FUT8: variants seen among roughly 807,000 people sequenced by gnomAD.
FUT8 encodes fucosyltransferase 8, also known as alpha-(1,6)-fucosyltransferase.
A neutral mutation model predicts 71.3 loss-of-function variants in FUT8; 29 were observed. The ratio of observed to expected loss-of-function variants is 0.41; its 90% CI spans 0.30 to 0.55. The LOEUF (loss-of-function observed/expected upper bound fraction) is 0.55, where lower values mean the gene tolerates loss of function less well. Ranked by LOEUF, FUT8 falls within the 20% of genes least tolerant of loss-of-function variation. The probability of loss-of-function intolerance (pLI) is 0.34; values close to 1 mark genes in which losing one functional copy is unlikely to be tolerated. For missense variants in FUT8, 544 were observed against 702.1 expected, an observed-to-expected ratio of 0.77 and a Z score of 2.55; for synonymous variants, 254 against 239.3, an observed-to-expected ratio of 1.06 and a Z score of -0.57.
chr14:65,535,096 T>TTTA (rs1884207987), intron 2 of FUT8, among the ~76,000 whole-genome samples: 1 of 151,130 alleles, frequency 6.6e-6, no homozygotes, highest in Non-Finnish European at 1.5e-5. Context: ...TATTTTTTAT[T>TTTA]TTTTATTTTA....
In FUT8 at chr14:65,561,668, T is replaced by A. The variant is rs1198011883; in HGVS notation, c.105T>A (p.His35Gln). ...GTCACTTGGTACGAGATAATGACCATCCTGATCACTCTAGCCGAGAACTGT... is the reference window on the plus strand; with the variant it reads ...GTCACTTGGTACGAGATAATGACCAACCTGATCACTCTAGCCGAGAACTGT... ...IGGHLVRDND[H>Q]PDHSSRELSK... Residue 35 changes from histidine to glutamine, a missense_variant, in exon 3 of 11, where the codon CAT becomes CAA. By Grantham distance (24) the His-to-Gln change is conservative. Coordinates refer to ENST00000673929, the MANE Select transcript of FUT8 (RefSeq NM_001371533.1). 2 of 1,613,474 alleles carry A rather than the reference T, an allele frequency of 1.2e-6. No individual in the cohort carries two copies. Among genetic ancestry groups the A allele is most frequent in the Admixed American group, 3.3e-5 (2 of 59,958 alleles).
intron 6 of FUT8, chr14:65,646,396 G>A (rs1446753906): frequency 6.6e-6 from 1 of 152,170 alleles, no homozygotes; most frequent in Non-Finnish European, 1.5e-5. Flanking sequence ...CTAATACAAA[G>A]ATATAACAGA....
intron 3 of FUT8, among the ~76,000 whole-genome samples, chr14:65,582,165 C>T (rs1221003316): frequency 6.6e-6 from 1 of 152,012 alleles, no homozygotes; most frequent in Non-Finnish European, 1.5e-5. Context: ...TTCTTCCATC[C>T]AATTAAAATA....
In FUT8 at chr14:65,561,542, G is replaced by A; in HGVS notation, c.-22G>A. ...ATTCTTTGAGCTCCAGGACTCCAGG[G>A]AAGTGAGTTGAAAATCTGAAAATGC... On this transcript the variant is annotated 5_prime_UTR_variant, in exon 3 of 11. Coordinates refer to ENST00000673929, the MANE Select transcript of FUT8 (RefSeq NM_001371533.1). The A allele has an allele frequency of 1.9e-6, 3 of 1,610,784 alleles. No homozygotes were observed. Among genetic ancestry groups the A allele is most frequent in the Non-Finnish European group, 2.5e-6 (3 of 1,177,618 alleles).
At chr14:65,625,165 C>A (rs1889832792) in intron 5 of FUT8, among the ~76,000 whole-genome samples, 1 of 152,032 alleles carries the variant, frequency 6.6e-6, no homozygotes, top group African/African-American at 2.4e-5. Flanking sequence ...AAACAAATGA[C>A]CACATTCTAT....
the FUT8 span, among the ~76,000 whole-genome samples, chr14:65,386,550 G>T: frequency 6.7e-6 from 1 of 149,930 alleles, no homozygotes; most frequent in African/African-American, 2.4e-5. Context: ...TTCAACTTGG[G>T]TCTTCGTTTT....
intron 1 of FUT8, among the ~76,000 whole-genome samples, chr14:65,426,758 G>A (rs1439532372): frequency 3.3e-5 from 5 of 152,196 alleles, no homozygotes; most frequent in Admixed American, 6.5e-5. Context: ...CAATATGTCA[G>A]AATGGCGTAT....
intron 2 of FUT8, among the ~76,000 whole-genome samples, chr14:65,511,575 G>C (rs1016029195): frequency 6.6e-6 from 1 of 152,064 alleles, no homozygotes; most frequent in South Asian, 2.1e-4. Context: ...GTGCTCCACT[G>C]TTGGGTGCAT....
At chr14:65,425,128 A>T (rs910516760) in intron 1 of FUT8, among the ~76,000 whole-genome samples, 9 of 152,152 alleles carry the variant, frequency 5.9e-5, no homozygotes, top group African/African-American at 2.2e-4. Flanking sequence ...GAGAGCTCTA[A>T]GAGTTTAAAG....
At chr14:65,702,146 G>A (rs915441396) in intron 7 of FUT8, among the ~76,000 whole-genome samples, 2 of 152,194 alleles carry the variant, frequency 1.3e-5, no homozygotes, top group African/African-American at 4.8e-5. Context: ...GGGAGTTCAA[G>A]ACCAGCCTGA....
At chr14:65,438,339 T>C (rs2065592184) in intron 1 of FUT8, among the ~76,000 whole-genome samples, 1 of 152,190 alleles carries the variant, frequency 6.6e-6, no homozygotes, top group African/African-American at 2.4e-5. Context: ...GAGGGCCCAA[T>C]TGCCACTTGC....
chr14:65,519,254 A>G (rs977186493), intron 2 of FUT8, among the ~76,000 whole-genome samples: 2 of 152,192 alleles, frequency 1.3e-5, no homozygotes, highest in African/African-American at 2.4e-5. Context: ...TATGGAGACT[A>G]CTTAAGTCGG....
chr14:65,623,182 C>T (rs944099337), intron 5 of FUT8, among the ~76,000 whole-genome samples: 2 of 152,158 alleles, frequency 1.3e-5, no homozygotes, highest in African/African-American at 2.4e-5. Context: ...TGAGCCACCA[C>T]GCCCGACCAA....
At chr14:65,427,371 T>G (rs2065405872) in intron 1 of FUT8, among the ~76,000 whole-genome samples, 1 of 152,234 alleles carries the variant, frequency 6.6e-6, no homozygotes, top group Non-Finnish European at 1.5e-5. Context: ...ACCTCCACAC[T>G]GTTCTTTTAT....
At chr14:65,523,841 C>T (rs1203090551) in intron 2 of FUT8, among the ~76,000 whole-genome samples, 1 of 152,130 alleles carries the variant, frequency 6.6e-6, no homozygotes, top group Non-Finnish European at 1.5e-5. Context: ...ATCCTTTCCC[C>T]ATTGCTTGTT....
At chr14:65,446,323 G>A (rs1222550912) in intron 1 of FUT8, among the ~76,000 whole-genome samples, 2 of 152,156 alleles carry the variant, frequency 1.3e-5, no homozygotes, top group Admixed American at 6.5e-5. Context: ...GCTGGATTCA[G>A]AGGCTTGATC....
At chr14:65,704,340 A>T (rs200115617) in intron 7 of FUT8, among the ~76,000 whole-genome samples, 2 of 149,970 alleles carry the variant, frequency 1.3e-5, no homozygotes, top group Non-Finnish European at 3.0e-5. Flanking sequence ...TGGAATTGTG[A>T]TTTTTTTTTT....
intron 6 of FUT8, among the ~76,000 whole-genome samples, chr14:65,636,292 T>C (rs773092531): frequency 6.8e-6 from 1 of 146,316 alleles, no homozygotes; most frequent in Non-Finnish European, 1.5e-5. Context: ...AAGAACCTGC[T>C]TTTTGTTTCA....
At chr14:65,528,210 C>T (rs1236445871) in intron 2 of FUT8, among the ~76,000 whole-genome samples, 4 of 152,234 alleles carry the variant, frequency 2.6e-5, no homozygotes, top group Non-Finnish European at 5.9e-5. Flanking sequence ...GTTTGAGCTT[C>T]CAGGCCTCTT....
Sources: gnomAD v4.1 joint callset for allele counts (sites outside exome capture counted in the v4.1 genomes callset) on GRCh38, gnomAD v4.1.1 for gene constraint, MANE v1.5 for transcripts, NCBI Gene and HGNC (gene_info 2026-07-23, HGNC 2026-07-21) for gene names.